KIF16B: variants seen among roughly 807,000 people sequenced by gnomAD.
The protein encoded by KIF16B is kinesin family member 16B, also known as kinesin-like protein KIF16B.
A neutral mutation model predicts 156.3 loss-of-function variants in KIF16B; 98 were observed. That is an observed-to-expected ratio of 0.63 (90% CI 0.53 to 0.74). KIF16B has a LOEUF of 0.74. Ranked by LOEUF, KIF16B falls within the 30% of genes least tolerant of loss-of-function variation. The pLI, the probability that KIF16B is intolerant of heterozygous loss-of-function variation, is 0.00. For missense variants in KIF16B, 1,421 were observed against 1,606.5 expected (o/e 0.88, Z 1.97); for synonymous variants, 564 against 583.7 (o/e 0.97, Z 0.49).
chr20:16,387,622 C>T (rs572984706), intron 17 of KIF16B, among the ~76,000 whole-genome samples: 3 of 152,194 alleles, frequency 2.0e-5, no homozygotes, highest in Non-Finnish European at 2.9e-5. Context: ...GATAACATCA[C>T]GACTTAGAAT....
chr20:16,438,597 T>C (rs574120463), intron 12 of KIF16B, among the ~76,000 whole-genome samples: 6 of 152,208 alleles, frequency 3.9e-5, no homozygotes, highest in African/African-American at 1.4e-4. Flanking sequence ...ATAGGAAGAA[T>C]CATGTCCATC....
chr20:16,309,085 GTGT>G (rs1395841061), intron 25 of KIF16B, among the ~76,000 whole-genome samples: 2 of 151,922 alleles, frequency 1.3e-5, no homozygotes, highest in African/African-American at 4.8e-5. Context: ...CAGGATGGCA[GTGT>G]AGGGAGATCT....
At chr20:16,454,852 A>G (rs6111138) in intron 12 of KIF16B, among the ~76,000 whole-genome samples, 49,433 of 152,080 alleles carry the variant, frequency 0.33, 8,990 homozygotes, top group African/African-American at 0.49. Context: ...CCCCAGCAGC[A>G]ATGAGCACCC....
intron 17 of KIF16B, among the ~76,000 whole-genome samples, chr20:16,392,452 G>A (rs1243573946): frequency 2.0e-5 from 3 of 152,178 alleles, no homozygotes; most frequent in Non-Finnish European, 4.4e-5. Flanking sequence ...TGTGGGTAGA[G>A]GGAACAGAGA....
intron 15 of KIF16B, among the ~76,000 whole-genome samples, chr20:16,426,786 A>G (rs2066364286): frequency 6.6e-6 from 1 of 152,168 alleles, no homozygotes; most frequent in Admixed American, 6.5e-5. Context: ...TAAAATTATT[A>G]AAAGAAACCA....
At chr20:16,334,448 A>T (rs766805458) in intron 24 of KIF16B, among the ~76,000 whole-genome samples, 8 of 152,252 alleles carry the variant, frequency 5.3e-5, no homozygotes, top group Non-Finnish European at 1.2e-4. Context: ...CTGTTACAAG[A>T]AGCCTCTTGG....
chr20:16,517,441 A>G (rs1378229300), intron 3 of KIF16B, among the ~76,000 whole-genome samples: 1 of 152,198 alleles, frequency 6.6e-6, no homozygotes, highest in African/African-American at 2.4e-5. Flanking sequence ...GTGTTCATGT[A>G]TAATTCTCAT....
At position 16,376,492 on chromosome 20, in the gene KIF16B, G is replaced by C. The variant is rs117449433; in HGVS notation, c.3198-2083C>G. On this transcript the variant is annotated intron_variant, in intron 19 of 25. Coordinates refer to ENST00000354981, the MANE Select transcript of KIF16B (RefSeq NM_024704.5). Reference sequence around the variant, plus strand: ...CTGCACGGTGAATCCTGGCTTAGCCGTGAGAACCCTGGGAGAAAATGAAGC... The same window carrying C: ...CTGCACGGTGAATCCTGGCTTAGCCCTGAGAACCCTGGGAGAAAATGAAGC... 1.2e-3 allele frequency among the ~76,000 whole-genome samples: 176 copies of C among 152,328 alleles called. 3 individuals are homozygous for C. The East Asian group carries it at 0.026, about 23-fold the overall frequency.
intron 25 of KIF16B, among the ~76,000 whole-genome samples, chr20:16,281,849 A>G (rs747685339): frequency 6.6e-6 from 1 of 151,838 alleles, no homozygotes; most frequent in Non-Finnish European, 1.5e-5. Flanking sequence ...CCTTGTTCCC[A>G]TGGGTGCTTT....
At chr20:16,406,166 C>T (rs2065777696) in intron 16 of KIF16B, among the ~76,000 whole-genome samples, 1 of 152,124 alleles carries the variant, frequency 6.6e-6, no homozygotes, top group African/African-American at 2.4e-5. Flanking sequence ...TTCTCCCTGT[C>T]TGCTCTAGAA....
At chr20:16,406,227 A>G in intron 16 of KIF16B, 147 bp downstream of exon 16, 1 of 657,618 alleles carries the variant, frequency 1.5e-6, no homozygotes, top group East Asian at 2.6e-5. Context: ...CTGGGAAACA[A>G]TCTCCCTAGA....
intron 12 of KIF16B, among the ~76,000 whole-genome samples, chr20:16,441,198 T>C (rs1043870517): frequency 6.6e-6 from 1 of 152,172 alleles, no homozygotes; most frequent in Admixed American, 6.5e-5. Flanking sequence ...AAGTGGGATG[T>C]TGTGGCCCAG....
At chr20:16,570,744 C>A (rs904163366) in intron 1 of KIF16B, among the ~76,000 whole-genome samples, 1 of 152,174 alleles carries the variant, frequency 6.6e-6, no homozygotes, top group African/African-American at 2.4e-5. Flanking sequence ...ACCCCCACCA[C>A]CTCCTTCAGG....
At chr20:16,284,410 C>T (rs1009191801) in intron 25 of KIF16B, among the ~76,000 whole-genome samples, 4 of 152,168 alleles carry the variant, frequency 2.6e-5, no homozygotes, top group Admixed American at 6.5e-5. Context: ...TACTTTTTTT[C>T]CTGGACGTTG....
At chr20:16,453,651 A>C (rs560243715) in intron 12 of KIF16B, among the ~76,000 whole-genome samples, 2 of 152,356 alleles carry the variant, frequency 1.3e-5, no homozygotes, top group South Asian at 4.1e-4. Flanking sequence ...GGAGATTTAT[A>C]GGAACATATT....
intron 12 of KIF16B, among the ~76,000 whole-genome samples, chr20:16,435,298 A>C (rs989834917): frequency 6.6e-6 from 1 of 152,222 alleles, no homozygotes; most frequent in African/African-American, 2.4e-5. Context: ...CACATGGTGC[A>C]TGTTGGGCAG....
At chr20:16,551,869 G>A (rs2070681034) in intron 1 of KIF16B, among the ~76,000 whole-genome samples, 1 of 152,126 alleles carries the variant, frequency 6.6e-6, no homozygotes. Flanking sequence ...GGAGGGCAAA[G>A]GAAGGCTCAA....
intron 24 of KIF16B, 152 bp from the exon 25 acceptor site, chr20:16,312,570 CTG>C: frequency 1.6e-6 from 1 of 630,758 alleles, no homozygotes; most frequent in African/African-American, 1.8e-5. Context: ...TTATCACCAA[CTG>C]TGTGACCTTC....
At position 16,374,140 on chromosome 20, in the gene KIF16B, G is replaced by A. The variant is rs137856049; in HGVS notation, c.3350+117C>T. The stretch of plus-strand genomic sequence containing the variant: ...TGAAGGCAGAGCACATCTCAAGCAC[G>A]TGTATTACTTGTTGCCCTTAATAGA... On this transcript the variant is annotated intron_variant, in intron 20 of 25. Coordinates refer to ENST00000354981, the MANE Select transcript of KIF16B (RefSeq NM_024704.5). 5.7e-5 allele frequency: 57 copies of A among 992,778 alleles called. No homozygotes were observed. In the Middle Eastern group the frequency reaches 9.1e-4, roughly 16 times the overall value. 61.5% of individuals were successfully genotyped at this position (992,778 alleles called of 1,614,324 possible). A position where few individuals can be genotyped will look rare whatever the true frequency, so the allele number is the denominator to read the frequency against.
Sources: gnomAD v4.1 joint callset for allele counts (sites outside exome capture counted in the v4.1 genomes callset) on GRCh38, gnomAD v4.1.1 for gene constraint, MANE v1.5 for transcripts, NCBI Gene and HGNC (gene_info 2026-07-23, HGNC 2026-07-21) for gene names.